The following ARHGAP15 variants were observed in gnomAD, a reference collection of about 807,000 sequenced individuals.
ARHGAP15 encodes Rho GTPase activating protein 15, also known as rho GTPase-activating protein 15.
A neutral mutation model predicts 63.7 loss-of-function variants in ARHGAP15; 51 were observed. The observed-to-expected ratio is 0.80, with a 90% CI of 0.64 to 1.01. The LOEUF (loss-of-function observed/expected upper bound fraction) is 1.01, where lower values mean the gene tolerates loss of function less well. ARHGAP15 is among the 50% of genes least tolerant of loss of function. The pLI is 0.00. For synonymous variants in ARHGAP15, 191 were observed against 193.8 expected (o/e 0.99, Z 0.12); for missense variants, 560 against 564.6 (o/e 0.99, Z 0.08).
intron 2 of ARHGAP15, among the ~76,000 whole-genome samples, chr2:143,170,009 T>A (rs866849199): frequency 1.3e-5 from 2 of 151,970 alleles, no homozygotes; most frequent in Non-Finnish European, 1.5e-5. Context: ...GCCACCTGTT[T>A]GTATAAAGTC....
At chr2:143,166,057 G>GAAAT (rs1296742981) in intron 2 of ARHGAP15, among the ~76,000 whole-genome samples, 4 of 151,384 alleles carry the variant, frequency 2.6e-5, no homozygotes, top group Non-Finnish European at 5.9e-5. Flanking sequence ...AAGAAAGAAA[G>GAAAT]AAAGAAAAAA....
intron 13 of ARHGAP15, among the ~76,000 whole-genome samples, chr2:143,731,837 A>G (rs1685551217): frequency 6.6e-6 from 1 of 152,226 alleles, no homozygotes; most frequent in African/African-American, 2.4e-5. Flanking sequence ...CATGTTCTCA[A>G]TTCAACAACC....
intron 12 of ARHGAP15, chr2:143,683,086 G>A (rs1448670192): frequency 6.6e-6 from 1 of 152,134 alleles, no homozygotes; most frequent in African/African-American, 2.4e-5. Flanking sequence ...AGCCTTCGTC[G>A]AGTCTTACAT....
At chr2:143,628,878 A>G (rs1440601240) in intron 12 of ARHGAP15, among the ~76,000 whole-genome samples, 2 of 152,092 alleles carry the variant, frequency 1.3e-5, no homozygotes, top group African/African-American at 4.8e-5. Flanking sequence ...TCATAACATT[A>G]TTTCCCTTTT....
chr2:143,424,370 A>G (rs1689058441), intron 6 of ARHGAP15, among the ~76,000 whole-genome samples: 1 of 152,128 alleles, frequency 6.6e-6, no homozygotes, highest in Non-Finnish European at 1.5e-5. Context: ...TATTAGTTTT[A>G]CAAATCTAAT....
At chr2:143,227,755 T>C (rs916593545) in intron 4 of ARHGAP15, among the ~76,000 whole-genome samples, 5 of 152,180 alleles carry the variant, frequency 3.3e-5, no homozygotes, top group Non-Finnish European at 1.5e-5. Flanking sequence ...CTTTTTTATA[T>C]TTTATGTATG....
intron 11 of ARHGAP15, among the ~76,000 whole-genome samples, chr2:143,574,693 A>G (rs1438575277): frequency 6.6e-6 from 1 of 152,166 alleles, no homozygotes; most frequent in Non-Finnish European, 1.5e-5. Flanking sequence ...TATAGGGAAC[A>G]TGCTAAATAG....
chr2:143,634,368 G>A (rs1048061481), intron 12 of ARHGAP15, among the ~76,000 whole-genome samples: 2 of 152,104 alleles, frequency 1.3e-5, no homozygotes, highest in Non-Finnish European at 2.9e-5. Flanking sequence ...TCTAGACCTA[G>A]AGCAAATATT....
intron 6 of ARHGAP15, among the ~76,000 whole-genome samples, chr2:143,405,137 CT>C (rs1688144027): frequency 1.3e-5 from 2 of 151,784 alleles, no homozygotes; most frequent in South Asian, 4.2e-4. Flanking sequence ...GCAAATAAAT[CT>C]TTTTATCAAA....
intron 6 of ARHGAP15, among the ~76,000 whole-genome samples, chr2:143,380,838 T>C (rs769136804): frequency 6.6e-6 from 1 of 152,098 alleles, no homozygotes; most frequent in Non-Finnish European, 1.5e-5. Context: ...GAAACAATGA[T>C]GAAAAGAAGG....
chr2:143,462,418 C>T (rs191539348), intron 8 of ARHGAP15, among the ~76,000 whole-genome samples: 2 of 152,204 alleles, frequency 1.3e-5, no homozygotes, highest in African/African-American at 4.8e-5. Context: ...AAGTCTTCTG[C>T]AATGCCATGA....
chr2:143,473,040 C>T (rs1479475930), intron 8 of ARHGAP15, among the ~76,000 whole-genome samples: 1 of 152,184 alleles, frequency 6.6e-6, no homozygotes, highest in Non-Finnish European at 1.5e-5. Flanking sequence ...CACCATTAAA[C>T]TCCAAACTAG....
chr2:143,693,259 C>A (rs1683693094), intron 12 of ARHGAP15, among the ~76,000 whole-genome samples: 1 of 152,154 alleles, frequency 6.6e-6, no homozygotes, highest in South Asian at 2.1e-4. Context: ...AGAACTAGAC[C>A]ATTGAGAAAA....
At chr2:143,709,778 G>T (rs1053401445) in intron 13 of ARHGAP15, among the ~76,000 whole-genome samples, 1 of 152,148 alleles carries the variant, frequency 6.6e-6, no homozygotes, top group African/African-American at 2.4e-5. Context: ...GGTTGTATCA[G>T]AAAACAATGG....
chr2:143,647,553 G>A (rs1331658107), intron 12 of ARHGAP15, among the ~76,000 whole-genome samples: 1 of 151,826 alleles, frequency 6.6e-6, no homozygotes, highest in East Asian at 1.9e-4. Flanking sequence ...ATGTGGTACT[G>A]CAAGGCTGCC....
intron 8 of ARHGAP15, among the ~76,000 whole-genome samples, chr2:143,486,389 A>G (rs1403295278): frequency 1.4e-5 from 2 of 144,152 alleles, no homozygotes; most frequent in African/African-American, 2.6e-5. Context: ...TGAGCAATGA[A>G]GTGAGATCCC....
chr2:143,606,237 G>A (rs1698024096), intron 11 of ARHGAP15, among the ~76,000 whole-genome samples: 1 of 152,116 alleles, frequency 6.6e-6, no homozygotes, highest in Non-Finnish European at 1.5e-5. Flanking sequence ...ACAATTGAAG[G>A]AGTATTTGAC....
chr2:143,492,783 G>A (rs1221579633), intron 9 of ARHGAP15, among the ~76,000 whole-genome samples: 5 of 151,254 alleles, frequency 3.3e-5, no homozygotes, highest in South Asian at 2.1e-4. Flanking sequence ...TCATCCGGGC[G>A]TGGTGGCTCA....
At chr2:143,253,623 CTT>C (rs1277120379) in intron 6 of ARHGAP15, among the ~76,000 whole-genome samples, 1 of 151,892 alleles carries the variant, frequency 6.6e-6, no homozygotes, top group East Asian at 1.9e-4. Flanking sequence ...ACAGCACACT[CTT>C]TGGCCTAATT....
Sources: gnomAD v4.1 joint callset for allele counts (sites outside exome capture counted in the v4.1 genomes callset) on GRCh38, gnomAD v4.1.1 for gene constraint, MANE v1.5 for transcripts, NCBI Gene and HGNC (gene_info 2026-07-23, HGNC 2026-07-21) for gene names.